The following GPR158 variants were observed in gnomAD, a reference collection of about 807,000 sequenced individuals.
GPR158 encodes G protein-coupled receptor 158.
A neutral mutation model predicts 78.2 loss-of-function variants in GPR158; 30 were observed. The observed-to-expected ratio is 0.38, with a 90% confidence interval of 0.29 to 0.52. The LOEUF is 0.52. Ranked by LOEUF, GPR158 falls within the 20% of genes least tolerant of loss-of-function variation. GPR158 has a pLI of 0.83. For synonymous variants in GPR158, 581 were observed against 591.1 expected (o/e 0.98, Z 0.25); for missense variants, 1,463 against 1,523.5 (o/e 0.96, Z 0.66).
Position 25,217,724 on chromosome 10 carries a change from T to C in GPR158, c.903-3328T>C, listed in dbSNP as rs1263387919. ...AGGTCCATTCACAGAGAAAGACCAG[T>C]AGGGAAATCGTGTTTGATGGACTGA... is the stretch of plus-strand genomic sequence containing the variant. On this transcript the variant is annotated intron_variant, in intron 1 of 10. Transcript: ENST00000376351. Among the ~76,000 whole-genome samples the C allele has an allele frequency of 9.2e-5, 14 of 152,170 alleles. No homozygotes were observed. In the East Asian group the frequency reaches 2.7e-3, roughly 29 times the overall value.
chr10:25,337,977 TTTTC>T (rs1488988833), intron 2 of GPR158, among the ~76,000 whole-genome samples: 2 of 152,028 alleles, frequency 1.3e-5, no homozygotes, highest in African/African-American at 4.8e-5. Flanking sequence ...AAAATGCCTT[TTTTC>T]TTATTGACCT....
intron 5 of GPR158, among the ~76,000 whole-genome samples, chr10:25,484,439 A>G (rs1588883193): frequency 6.6e-6 from 1 of 152,226 alleles, no homozygotes; most frequent in East Asian, 1.9e-4. Context: ...AGTCAGATCA[A>G]ATGGAAACAG....
rs143609365 is a variant in GPR158, at chr10:25,598,109, C to T, written c.2483C>T (p.Thr828Met). Reference protein sequence around the residue: ...HSTYDHVRDQTEESSSLPTES... With the variant: ...HSTYDHVRDQMEESSSLPTES... Reference sequence around the variant, plus strand: ...ACTTATGACCACGTGAGAGACCAAACGGAAGAGTCCAGTAGCCTACCCACA... The same window carrying T: ...ACTTATGACCACGTGAGAGACCAAATGGAAGAGTCCAGTAGCCTACCCACA... The change falls in exon 11 of 11, where the codon ACG becomes ATG. Residue 828 changes from threonine to methionine, a missense_variant. Thr to Met is a moderately conservative substitution (Grantham distance 81). Coordinates refer to ENST00000376351, the MANE Select transcript of GPR158 (RefSeq NM_020752.3). 7 of 1,613,876 alleles carry T rather than the reference C, an allele frequency of 4.3e-6. No homozygotes were observed. The highest frequency in any genetic ancestry group is 2.2e-5 in the East Asian group (1 of 44,884).
At chr10:25,537,366 G>GA (rs1836514333) in intron 5 of GPR158, among the ~76,000 whole-genome samples, 1 of 152,186 alleles carries the variant, frequency 6.6e-6, no homozygotes, top group Non-Finnish European at 1.5e-5. Flanking sequence ...ACTGTATCAT[G>GA]ACATAAATAT....
intron 4 of GPR158, among the ~76,000 whole-genome samples, chr10:25,412,892 A>G (rs1345401007): frequency 6.6e-6 from 1 of 152,154 alleles, no homozygotes; most frequent in Non-Finnish European, 1.5e-5. Flanking sequence ...TTTTTAGCGC[A>G]TTATACTTTG....
At chr10:25,337,555 C>G (rs186582922) in intron 2 of GPR158, among the ~76,000 whole-genome samples, 1 of 152,062 alleles carries the variant, frequency 6.6e-6, no homozygotes, top group African/African-American at 2.4e-5. Flanking sequence ...TTATGATGGA[C>G]ATTTAGATTT....
chr10:25,230,480 A>G lies in GPR158; in HGVS notation c.1008+9323A>G, dbSNP rs1265680995. Among the ~76,000 whole-genome samples the G allele has an allele frequency of 5.9e-5, 9 of 151,926 alleles. No homozygotes were observed. The East Asian group carries it at 1.7e-3, about 29-fold the overall frequency. ...TAAAATGTGTGTAGATAAAGTGGAA[A>G]CACTCCAGAAGAGAAAATTTGTATT... On this transcript the variant is annotated intron_variant, in intron 2 of 10. Transcript: ENST00000376351.
intron 2 of GPR158, among the ~76,000 whole-genome samples, chr10:25,267,797 T>A (rs1207993219): frequency 6.6e-6 from 1 of 152,140 alleles, no homozygotes; most frequent in Non-Finnish European, 1.5e-5. Context: ...GGGCCCAGAC[T>A]CTTGGTTATA....
intron 2 of GPR158, among the ~76,000 whole-genome samples, chr10:25,389,680 G>A (rs1834268154): frequency 6.6e-6 from 1 of 152,070 alleles, no homozygotes; most frequent in Admixed American, 6.5e-5. Context: ...CCATATTGTG[G>A]GTGACAAGAA....
At chr10:25,499,830 T>C (rs1835930585) in intron 5 of GPR158, among the ~76,000 whole-genome samples, 1 of 151,796 alleles carries the variant, frequency 6.6e-6, no homozygotes, top group Non-Finnish European at 1.5e-5. Flanking sequence ...ACATGGAGGA[T>C]GGAAAAGGGG....
chr10:25,336,120 T>A (rs1855202690), intron 2 of GPR158, among the ~76,000 whole-genome samples: 2 of 152,082 alleles, frequency 1.3e-5, no homozygotes, highest in South Asian at 4.1e-4. Context: ...TGGAGCTGTA[T>A]GTGTATTTAG....
intron 2 of GPR158, among the ~76,000 whole-genome samples, chr10:25,298,839 C>A (rs1017120866): frequency 3.3e-5 from 5 of 152,142 alleles, no homozygotes; most frequent in Admixed American, 3.3e-4. Context: ...TCTACTAGAG[C>A]CCTCAATAAA....
At position 25,602,054 on chromosome 10, in the gene GPR158, G is replaced by A. The variant is rs543327298; in HGVS notation, c.*2780G>A. ...TTTTGACTTCTAGCATTTAGCAACC[G>A]AGAGTCGTAGAGTCAATAAAGCTGT... On this transcript the variant is annotated 3_prime_UTR_variant, in exon 11 of 11. Coordinates refer to ENST00000376351, the MANE Select transcript of GPR158 (RefSeq NM_020752.3). 9.2e-5 allele frequency: 14 copies of A among 152,248 alleles called. No individual in the cohort carries two copies. The highest frequency in any genetic ancestry group is 7.8e-4 in the East Asian group (4 of 5,148). The allele number at this position is 152,248 out of a possible 1,614,324, so 9.4% of individuals were successfully genotyped here. A position where few individuals can be genotyped will look rare whatever the true frequency, so the allele number is the denominator to read the frequency against.
At chr10:25,383,784 A>G (rs543489233) in intron 2 of GPR158, among the ~76,000 whole-genome samples, 1 of 152,116 alleles carries the variant, frequency 6.6e-6, no homozygotes, top group African/African-American at 2.4e-5. Context: ...ATCAAAAGAG[A>G]CTCTAAAGTG....
chr10:25,349,312 G>A (rs755306394), intron 2 of GPR158, among the ~76,000 whole-genome samples: 1 of 151,828 alleles, frequency 6.6e-6, no homozygotes, highest in Non-Finnish European at 1.5e-5. Flanking sequence ...TGATCACATT[G>A]GGCCCAGGTA....
intron 2 of GPR158, among the ~76,000 whole-genome samples, chr10:25,254,654 A>T (rs1331531993): frequency 2.6e-5 from 4 of 152,210 alleles, no homozygotes; most frequent in Admixed American, 6.5e-5. Flanking sequence ...AGTAAAACAA[A>T]GTTCAGGAAG....
intron 2 of GPR158, among the ~76,000 whole-genome samples, chr10:25,258,405 G>A (rs1177427964): frequency 6.6e-6 from 1 of 152,028 alleles, no homozygotes; most frequent in Non-Finnish European, 1.5e-5. Context: ...AATTATTTTT[G>A]TAGCTTCTTT....
intron 5 of GPR158, among the ~76,000 whole-genome samples, chr10:25,495,715 A>G (rs1835871624): frequency 1.3e-5 from 2 of 152,132 alleles, no homozygotes; most frequent in African/African-American, 4.8e-5. Flanking sequence ...TTTTATCTCC[A>G]TCTATTACAG....
intron 2 of GPR158, among the ~76,000 whole-genome samples, chr10:25,365,994 A>G (rs1855717254): frequency 6.6e-6 from 1 of 151,640 alleles, no homozygotes; most frequent in African/African-American, 2.4e-5. Flanking sequence ...AGCATATATG[A>G]CTTATTTTGT....
Sources: allele counts gnomAD v4.1 joint callset (sites outside exome capture counted in the v4.1 genomes callset), GRCh38; gene constraint gnomAD v4.1.1; transcripts MANE v1.5; gene names NCBI Gene and HGNC (gene_info 2026-07-23, HGNC 2026-07-21).